NCALD: variants seen among roughly 807,000 people sequenced by gnomAD.
NCALD encodes the protein neurocalcin-delta.
In NCALD, 10 loss-of-function variants were observed where a neutral mutation model predicts 18.6. That is an observed-to-expected ratio of 0.54 (90% CI 0.33 to 0.91). The LOEUF (loss-of-function observed/expected upper bound fraction) is 0.91, where lower values mean the gene tolerates loss of function less well. NCALD is among the 40% of genes least tolerant of loss of function. The pLI is 0.03. For missense variants in NCALD, 184 were observed against 247.6 expected (o/e 0.74, Z 1.72); for synonymous variants, 88 against 87.4 (o/e 1.01, Z -0.04).
intron 1 of NCALD, among the ~76,000 whole-genome samples, chr8:101,729,369 C>T (rs969432865): frequency 6.6e-6 from 1 of 152,222 alleles, no homozygotes; most frequent in Admixed American, 6.5e-5. Context: ...ATTCTCTCCT[C>T]TCGCCTCTGC....
chr8:101,774,887 T>C (rs1441405350), intron 1 of NCALD, among the ~76,000 whole-genome samples: 1 of 152,204 alleles, frequency 6.6e-6, no homozygotes, highest in African/African-American at 2.4e-5. Context: ...CAGCATGCTC[T>C]CTGCCCTTTA....
At chr8:101,810,452 T>G (rs555937760) in intron 4 of NCALD, among the ~76,000 whole-genome samples, 1 of 152,180 alleles carries the variant, frequency 6.6e-6, no homozygotes, top group Non-Finnish European at 1.5e-5. Flanking sequence ...AAGTTATGCT[T>G]TCTAAAAAAT....
chr8:101,845,791 A>C (rs1814844726), intron 4 of NCALD, among the ~76,000 whole-genome samples: 1 of 152,104 alleles, frequency 6.6e-6, no homozygotes, highest in Non-Finnish European at 1.5e-5. Flanking sequence ...ATCTAACTGC[A>C]TTTTGTACCC....
At chr8:101,975,494 T>A (rs1044626420) in intron 2 of NCALD, among the ~76,000 whole-genome samples, 3 of 152,198 alleles carry the variant, frequency 2.0e-5, no homozygotes, top group Admixed American at 6.5e-5. Flanking sequence ...AAGAAAAGCC[T>A]ACAGAAACGG....
Position 101,784,342 on chromosome 8 carries a change from A to G in NCALD, c.-20+6520T>C, listed in dbSNP as rs142565944. The stretch of plus-strand genomic sequence containing the variant: ...AAGGGAAAATGTCAAGAAGAAAAAG[A>G]ATAGCAAGAGAGAAAAAAATTGTAT... On this transcript the variant is annotated intron_variant, in intron 1 of 3. Transcript: ENST00000220931. Among the ~76,000 whole-genome samples the G allele has an allele frequency of 7.0e-3, 1,069 of 152,268 alleles. 36 individuals carry two copies. Among genetic ancestry groups the G allele is most frequent in the Admixed American group, 0.049 (757 of 15,296 alleles).
At chr8:101,706,727 T>C (rs1815542693) in intron 2 of NCALD, among the ~76,000 whole-genome samples, 1 of 152,204 alleles carries the variant, frequency 6.6e-6, no homozygotes, top group South Asian at 2.1e-4. Flanking sequence ...CACCCTATGA[T>C]GACGGAGGCA....
intron 2 of NCALD, among the ~76,000 whole-genome samples, chr8:101,710,012 C>A (rs971727699): frequency 6.6e-5 from 10 of 152,208 alleles, no homozygotes; most frequent in African/African-American, 2.2e-4. Context: ...CAGCTCCAGT[C>A]TGCAGCTCCC....
chr8:101,871,581 TTC>T (rs1338955171), intron 4 of NCALD, among the ~76,000 whole-genome samples: 6 of 124,506 alleles, frequency 4.8e-5, no homozygotes, highest in African/African-American at 2.5e-4. Context: ...AATTCAGATT[TTC>T]TTTTTTTTTT....
intron 1 of NCALD, among the ~76,000 whole-genome samples, chr8:101,743,946 G>GCGTGTGAACTC (rs1302384121): frequency 6.6e-6 from 1 of 152,204 alleles, no homozygotes; most frequent in African/African-American, 2.4e-5. Context: ...GGTTTGGACA[G>GCGTGTGAACTC]CGTGTGAACT....
chr8:101,938,520 C>T (rs1818842582), intron 2 of NCALD, among the ~76,000 whole-genome samples: 1 of 152,136 alleles, frequency 6.6e-6, no homozygotes. Context: ...TAAACAGCTA[C>T]AGTTTTCAGA....
At chr8:101,870,689 T>C (rs1292387714) in intron 4 of NCALD, among the ~76,000 whole-genome samples, 1 of 152,146 alleles carries the variant, frequency 6.6e-6, no homozygotes, top group Non-Finnish European at 1.5e-5. Context: ...ATTGACATAG[T>C]CTTGAAAATT....
chr8:101,831,371 C>T (rs1258721976), intron 4 of NCALD, among the ~76,000 whole-genome samples: 1 of 152,092 alleles, frequency 6.6e-6, no homozygotes, highest in Non-Finnish European at 1.5e-5. Flanking sequence ...TCTACCTGTG[C>T]CATTGGATTA....
chr8:101,929,758 C>A (rs1818504617), intron 2 of NCALD, among the ~76,000 whole-genome samples: 1 of 151,892 alleles, frequency 6.6e-6, no homozygotes. Flanking sequence ...CAAATACAGA[C>A]CTCTTTATTA....
chr8:102,101,627 GT>G (rs1028566646), intron 1 of NCALD, among the ~76,000 whole-genome samples: 29 of 152,270 alleles, frequency 1.9e-4, no homozygotes, highest in African/African-American at 6.7e-4. Flanking sequence ...TGTGTGTTTT[GT>G]TTTCCTTTTG....
chr8:101,716,307 C>T (rs958578480), intron 2 of NCALD, among the ~76,000 whole-genome samples: 36 of 151,208 alleles, frequency 2.4e-4, no homozygotes, highest in African/African-American at 5.8e-4. Context: ...CAACACACAC[C>T]GGGGCCTGTT....
In NCALD at chr8:101,833,355, A is replaced by G. The variant is rs146436635; in HGVS notation, c.-20+53786T>C. Among the ~76,000 whole-genome samples, 1,238 of 152,318 alleles carry G rather than the reference A, an allele frequency of 8.1e-3. 7 individuals carry two copies. The highest frequency in any genetic ancestry group is 0.013 in the Non-Finnish European group (870 of 68,024). ...TAGATGACTTCCCAAGAAACTTTCAATACTGAAGTTTTATCCCATTCAAAG... is the reference window on the plus strand; with the variant it reads ...TAGATGACTTCCCAAGAAACTTTCAGTACTGAAGTTTTATCCCATTCAAAG... On this transcript the variant is annotated intron_variant, in intron 4 of 6. Coordinates refer to the NCALD transcript ENST00000311028.
At chr8:102,114,573 G>A (rs1331641374) in intron 1 of NCALD, among the ~76,000 whole-genome samples, 2 of 152,200 alleles carry the variant, frequency 1.3e-5, no homozygotes, top group Non-Finnish European at 2.9e-5. Context: ...AACCCAAAGA[G>A]GGTGGCGATA....
intron 4 of NCALD, among the ~76,000 whole-genome samples, chr8:101,857,571 C>T (rs1019846569): frequency 6.6e-6 from 1 of 152,156 alleles, no homozygotes; most frequent in Non-Finnish European, 1.5e-5. Flanking sequence ...ATTTGCTCTG[C>T]TATTTCCAGA....
chr8:101,916,724 G>C (rs1332085582), intron 2 of NCALD, among the ~76,000 whole-genome samples: 1 of 152,040 alleles, frequency 6.6e-6, no homozygotes, highest in African/African-American at 2.4e-5. Flanking sequence ...TGATAAAACA[G>C]ATTTTTAACA....
Sources: allele counts gnomAD v4.1 joint callset (sites outside exome capture counted in the v4.1 genomes callset), GRCh38; gene constraint gnomAD v4.1.1; transcripts MANE v1.5; gene names NCBI Gene and HGNC (gene_info 2026-07-23, HGNC 2026-07-21).